The following MDGA2 variants were observed in gnomAD, a reference collection of about 807,000 sequenced individuals.
MDGA2 encodes the protein MAM domain-containing glycosylphosphatidylinositol anchor protein 2.
In MDGA2, 40 loss-of-function variants were observed where a neutral mutation model predicts 117.8. The observed-to-expected ratio is 0.34, with a 90% CI of 0.26 to 0.44. The LOEUF is 0.44. MDGA2 is among the 20% of genes least tolerant of loss of function. MDGA2 has a pLI of 1.00. For synonymous variants in MDGA2, 452 were observed against 439.0 expected, an observed-to-expected ratio of 1.03 and a Z score of -0.37; for missense variants, 1,123 against 1,250.6, an observed-to-expected ratio of 0.90 and a Z score of 1.54.
At chr14:47,073,461 G>A (rs1270436473) in intron 6 of MDGA2, among the ~76,000 whole-genome samples, 1 of 152,186 alleles carries the variant, frequency 6.6e-6, no homozygotes, top group Non-Finnish European at 1.5e-5. Flanking sequence ...GAGTATGCTA[G>A]TTCCAACACA....
In MDGA2 at chr14:47,540,565, C is replaced by T. The variant is rs562493906; in HGVS notation, c.280+133952G>A. Among the ~76,000 whole-genome samples the T allele has an allele frequency of 1.1e-3, 96 of 89,338 alleles. 2 individuals are homozygous for T. Among genetic ancestry groups the T allele is most frequent in the South Asian group, 5.7e-3 (10 of 1,766 alleles). The allele number at this position is 89,338 out of a possible 152,430, so 58.6% of individuals were successfully genotyped here. ...GTATATATATATATGTATATATATA[C>T]ACACACACATAGAGAGAGAGACAGG... On this transcript the variant is annotated intron_variant, in intron 1 of 16. Transcript: ENST00000399232.
intron 2 of MDGA2, among the ~76,000 whole-genome samples, chr14:47,230,559 A>G (rs1886654082): frequency 6.6e-6 from 1 of 151,948 alleles, no homozygotes; most frequent in Admixed American, 6.6e-5. Context: ...AACATCTCCA[A>G]TTCCTATCGG....
chr14:47,519,911 A>C (rs1307425540), intron 1 of MDGA2, among the ~76,000 whole-genome samples: 2 of 152,190 alleles, frequency 1.3e-5, no homozygotes, highest in Non-Finnish European at 1.5e-5. Flanking sequence ...CTGAGCTAGA[A>C]GGTCATTATG....
intron 5 of MDGA2, among the ~76,000 whole-genome samples, chr14:47,121,585 CTT>C (rs1419673535): frequency 6.6e-6 from 1 of 152,032 alleles, no homozygotes; most frequent in African/African-American, 2.4e-5. Context: ...TAGAAAGCCT[CTT>C]TTCTTTCTTC....
At chr14:47,308,090 G>A (rs1314350965) in intron 1 of MDGA2, among the ~76,000 whole-genome samples, 1 of 152,126 alleles carries the variant, frequency 6.6e-6, no homozygotes, top group Non-Finnish European at 1.5e-5. Flanking sequence ...CAGACAAAAG[G>A]TCATTGCCTT....
chr14:47,479,413 A>T (rs11157561), intron 1 of MDGA2, among the ~76,000 whole-genome samples: 1 of 151,518 alleles, frequency 6.6e-6, no homozygotes, highest in South Asian at 2.1e-4. Flanking sequence ...AATAGATAAC[A>T]TCTTCCCTTT....
At chr14:47,158,365 TG>T (rs1566656172) in intron 3 of MDGA2, among the ~76,000 whole-genome samples, 1 of 71,822 alleles carries the variant, frequency 1.4e-5, no homozygotes, top group Non-Finnish European at 3.1e-5. Flanking sequence ...CTGGGGTGGG[TG>T]TGTGTGTGTG....
chr14:47,286,513 G>T (rs1888674832), intron 2 of MDGA2, among the ~76,000 whole-genome samples: 1 of 151,776 alleles, frequency 6.6e-6, no homozygotes, highest in Admixed American at 6.6e-5. Flanking sequence ...ATTTCACTTA[G>T]CATAATGCCC....
intron 1 of MDGA2, among the ~76,000 whole-genome samples, chr14:47,394,388 G>A (rs1891961867): frequency 6.6e-6 from 1 of 152,088 alleles, no homozygotes; most frequent in Admixed American, 6.6e-5. Context: ...TAGTGTAAAA[G>A]GTCCTAGACT....
intron 10 of MDGA2, among the ~76,000 whole-genome samples, chr14:46,893,160 C>G (rs942287272): frequency 1.3e-5 from 2 of 151,834 alleles, no homozygotes; most frequent in African/African-American, 4.8e-5. Flanking sequence ...GAATATTACC[C>G]AGCTTTAAAA....
chr14:47,637,927 G>T (rs1897353083), intron 1 of MDGA2, among the ~76,000 whole-genome samples: 1 of 152,194 alleles, frequency 6.6e-6, no homozygotes, highest in African/African-American at 2.4e-5. Context: ...TACCCAAAGA[G>T]ATGATATGAC....
chr14:47,435,331 T>C (rs1285397633), intron 1 of MDGA2, among the ~76,000 whole-genome samples: 1 of 152,138 alleles, frequency 6.6e-6, no homozygotes, highest in South Asian at 2.1e-4. Flanking sequence ...GACATTAAAA[T>C]GCATTTCTGC....
At chr14:46,878,637 A>G (rs553610766) in intron 11 of MDGA2, among the ~76,000 whole-genome samples, 9 of 152,180 alleles carry the variant, frequency 5.9e-5, no homozygotes, top group African/African-American at 2.2e-4. Context: ...TTCTGATTCT[A>G]CATTCCACAT....
chr14:47,249,957 G>A (rs1887390421), intron 2 of MDGA2, among the ~76,000 whole-genome samples: 2 of 152,152 alleles, frequency 1.3e-5, no homozygotes, highest in South Asian at 4.1e-4. Context: ...CTATTGAAAA[G>A]CTAAAAGAGA....
At chr14:47,048,970 G>C (rs1889359095) in intron 7 of MDGA2, among the ~76,000 whole-genome samples, 1 of 152,056 alleles carries the variant, frequency 6.6e-6, no homozygotes, top group Non-Finnish European at 1.5e-5. Flanking sequence ...TGATTGGAAT[G>C]ATAGATAACT....
rs751781974 is a variant in MDGA2 at position 47,131,877 on chromosome 14, T to C, written c.793-31A>G. The C allele has an allele frequency of 6.0e-6, 9 of 1,500,720 alleles. 1 individual carries two copies. In the South Asian group the frequency reaches 1.2e-4, roughly 19 times the overall value. 93.0% of individuals were successfully genotyped at this position (1,500,720 alleles called of 1,614,324 possible). The stretch of plus-strand genomic sequence containing the variant: ...AATGTACACAAAAAATAAAAGTCAT[T>C]AGAAAAAGCCAACACAACCAGAATG... On this transcript the variant is annotated intron_variant, in intron 4 of 16. Transcript: ENST00000399232.
At chr14:47,324,768 T>C (rs1473628491) in intron 1 of MDGA2, among the ~76,000 whole-genome samples, 1 of 152,072 alleles carries the variant, frequency 6.6e-6, no homozygotes, top group Non-Finnish European at 1.5e-5. Flanking sequence ...TGATTTCTAT[T>C]AGTGATTATC....
chr14:46,962,352 T>G (rs1885845787), intron 8 of MDGA2, among the ~76,000 whole-genome samples: 1 of 148,026 alleles, frequency 6.8e-6, no homozygotes, highest in African/African-American at 2.5e-5. Flanking sequence ...GTAGATTGGG[T>G]TTACTTCTGC....
At chr14:47,014,315 T>C (rs1888006052) in intron 8 of MDGA2, among the ~76,000 whole-genome samples, 4 of 152,146 alleles carry the variant, frequency 2.6e-5, no homozygotes. Flanking sequence ...AAATGGCAAA[T>C]GAGCATTGGC....
Sources: gnomAD v4.1 joint callset for allele counts (sites outside exome capture counted in the v4.1 genomes callset) on GRCh38, gnomAD v4.1.1 for gene constraint, MANE v1.5 for transcripts, NCBI Gene and HGNC (gene_info 2026-07-23, HGNC 2026-07-21) for gene names.